Variants in AFF3 observed in about 807,000 individuals in gnomAD.
The protein encoded by AFF3 is ALF transcription elongation factor 3.
A neutral mutation model predicts 129.7 loss-of-function variants in AFF3; 32 were observed. That is an observed-to-expected ratio of 0.25 (90% CI 0.19 to 0.33). The LOEUF (loss-of-function observed/expected upper bound fraction) is 0.33. Among genes scored for constraint, AFF3 ranks in the 10% least tolerant of loss-of-function variants. The pLI is 1.00. For missense variants in AFF3, 1,373 were observed against 1,592.0 expected (o/e 0.86, Z 2.34); for synonymous variants, 644 against 635.4 (o/e 1.01, Z -0.20).
chr2:99,896,490 G>A (rs1693952075), intron 7 of AFF3, among the ~76,000 whole-genome samples: 1 of 151,966 alleles, frequency 6.6e-6, no homozygotes, highest in Non-Finnish European at 1.5e-5. Flanking sequence ...AGTGCCTGAT[G>A]CCTTTTGCAT....
chr2:99,830,743 C>T (rs1029200769), intron 8 of AFF3, among the ~76,000 whole-genome samples: 7 of 152,014 alleles, frequency 4.6e-5, no homozygotes, highest in African/African-American at 1.7e-4. Flanking sequence ...TCAAAAAAGA[C>T]AAAAACAAAA....
chr2:99,830,254 A>G (rs1688416046), intron 8 of AFF3, among the ~76,000 whole-genome samples: 1 of 152,146 alleles, frequency 6.6e-6, no homozygotes, highest in South Asian at 2.1e-4. Context: ...AAACCTGCAC[A>G]TTCTGCACAT....
intron 7 of AFF3, among the ~76,000 whole-genome samples, chr2:99,951,973 G>A (rs1252409464): frequency 6.6e-6 from 1 of 152,210 alleles, no homozygotes; most frequent in East Asian, 1.9e-4. Flanking sequence ...TAACAGCTTG[G>A]AGGACATAAA....
Position 99,755,428 on chromosome 2 carries a change from T to C in AFF3, c.922-3127A>G, listed in dbSNP as rs535851990. ...GATTACAGGCATGCGTCACCACACC[T>C]GGCTAATTCTGTATTTTTAGTAGAG... On this transcript the variant is annotated intron_variant, in intron 8 of 24. Coordinates refer to ENST00000672756, the MANE Select transcript of AFF3 (RefSeq NM_001386135.1). 3.0e-4 allele frequency among the ~76,000 whole-genome samples: 45 copies of C among 152,186 alleles called. No individual in the cohort carries two copies. In the East Asian group the frequency reaches 8.3e-3, roughly 28 times the overall value.
chr2:99,671,007 G>A (rs1387664763), intron 12 of AFF3, among the ~76,000 whole-genome samples: 3 of 152,126 alleles, frequency 2.0e-5, no homozygotes, highest in African/African-American at 7.2e-5. Context: ...CATTAGTAAT[G>A]TTTATTAAAA....
At position 100,004,334 on chromosome 2, in the gene AFF3, G is replaced by C. The variant is rs1681740614; in HGVS notation, c.873+2298C>G. ...TAAAAATATTGGCATGAATATTTTT[G>C]AAATTGTCACATTAAATCGTTTTAC... On this transcript the variant is annotated intron_variant, in intron 7 of 24. Coordinates refer to ENST00000672756, the MANE Select transcript of AFF3 (RefSeq NM_001386135.1). Among the ~76,000 whole-genome samples the C allele has an allele frequency of 2.0e-5, 3 of 152,100 alleles. No individual in the cohort carries two copies. In the South Asian group the frequency reaches 6.2e-4, roughly 32 times the overall value.
chr2:100,124,249 T>C (rs905068851), intron 2 of AFF3, among the ~76,000 whole-genome samples: 14 of 152,042 alleles, frequency 9.2e-5, no homozygotes, highest in African/African-American at 3.1e-4. Flanking sequence ...AAAGAAATAC[T>C]TGAAGAAAAA....
chr2:99,983,870 A>G (rs759301412), intron 7 of AFF3, among the ~76,000 whole-genome samples: 1 of 152,188 alleles, frequency 6.6e-6, no homozygotes, highest in Admixed American at 6.5e-5. Context: ...AGAAAAATTA[A>G]TGTAAATAAC....
At chr2:99,986,220 A>AATG (rs1679854553) in intron 7 of AFF3, among the ~76,000 whole-genome samples, 1 of 138,748 alleles carries the variant, frequency 7.2e-6, no homozygotes, top group African/African-American at 2.9e-5. Context: ...TAATAATAAT[A>AATG]ATAATAATAA....
chr2:100,008,761 G>T, intron 5 of AFF3, 51 bp downstream of exon 5: 1 of 1,595,092 alleles, frequency 6.3e-7, no homozygotes, highest in South Asian at 1.1e-5. Flanking sequence ...CCGTCACAGG[G>T]AGTGAGAGAA....
chr2:99,687,423 A>G (rs538607285), intron 11 of AFF3, among the ~76,000 whole-genome samples: 2 of 152,340 alleles, frequency 1.3e-5, no homozygotes, highest in Admixed American at 1.3e-4. Flanking sequence ...GTTTTATCAA[A>G]TGAGCCAGGT....
intron 8 of AFF3, among the ~76,000 whole-genome samples, chr2:99,762,393 G>C (rs933123043): frequency 3.3e-5 from 5 of 152,098 alleles, no homozygotes; most frequent in Non-Finnish European, 7.3e-5. Flanking sequence ...CCAAAGTGCT[G>C]GGATTACAGG....
chr2:100,037,860 T>C lies in AFF3; in HGVS notation c.54-28928A>G, dbSNP rs1685098957. ...TCTATTTACAAATAAACATATATAA[T>C]ATATAAATATATGTGGGTGTGTATA... On this transcript the variant is annotated intron_variant, in intron 4 of 24. Coordinates refer to ENST00000672756, the MANE Select transcript of AFF3 (RefSeq NM_001386135.1). Among the ~76,000 whole-genome samples the C allele has an allele frequency of 2.1e-5, 3 of 143,300 alleles. No individual in the cohort carries two copies. The South Asian group carries it at 6.3e-4, about 30-fold the overall frequency. The allele number at this position is 143,300 out of a possible 152,430, so 94.0% of individuals were successfully genotyped here. A position where few individuals can be genotyped will look rare whatever the true frequency, so the allele number is the denominator to read the frequency against.
At chr2:99,704,407 C>A (rs572493002) in intron 11 of AFF3, among the ~76,000 whole-genome samples, 59 of 152,274 alleles carry the variant, frequency 3.9e-4, no homozygotes, top group Non-Finnish European at 7.6e-4. Flanking sequence ...CCTAGCACTA[C>A]CCACGTGGCA....
chr2:99,879,938 C>T (rs1253716679), intron 7 of AFF3, among the ~76,000 whole-genome samples: 1 of 152,190 alleles, frequency 6.6e-6, no homozygotes, highest in Non-Finnish European at 1.5e-5. Context: ...CAGAGCATCA[C>T]TTTTTAATAT....
rs537623406 is a variant in AFF3 at position 99,828,554 on chromosome 2, A to C, written c.921+8923T>G. 2.2e-4 allele frequency among the ~76,000 whole-genome samples: 34 copies of C among 152,330 alleles called. No homozygotes were observed. In the South Asian group the frequency reaches 7.0e-3, roughly 32 times the overall value. On this transcript the variant is annotated intron_variant, in intron 8 of 24. Coordinates refer to ENST00000672756, the MANE Select transcript of AFF3 (RefSeq NM_001386135.1). The stretch of plus-strand genomic sequence containing the variant: ...GTGTAGCGAGCTAGCAGAGACCGCC[A>C]CGAGACGGACCCACTTCCAAAGGGG...
intron 11 of AFF3, among the ~76,000 whole-genome samples, chr2:99,692,589 C>G (rs1414150420): frequency 6.6e-6 from 1 of 152,114 alleles, no homozygotes; most frequent in African/African-American, 2.4e-5. Flanking sequence ...AATGCCTGGC[C>G]TCCTTCCTCT....
chr2:99,993,478 A>G (rs1335268046), intron 7 of AFF3, among the ~76,000 whole-genome samples: 1 of 152,138 alleles, frequency 6.6e-6, no homozygotes, highest in East Asian at 1.9e-4. Flanking sequence ...GTTTAAAAAT[A>G]AAATTATATA....
intron 18 of AFF3, 116 bp downstream of exon 18, chr2:99,578,211 A>G (rs1235773127): frequency 3.6e-5 from 48 of 1,333,264 alleles, no homozygotes; most frequent in Admixed American, 5.8e-5. Context: ...GTCCCAGGGG[A>G]AAAAAAGGCC....
Sources: allele counts gnomAD v4.1 joint callset (sites outside exome capture counted in the v4.1 genomes callset), GRCh38; gene constraint gnomAD v4.1.1; transcripts MANE v1.5; gene names NCBI Gene and HGNC (gene_info 2026-07-23, HGNC 2026-07-21).